Variants in UGT2B11 observed in about 807,000 individuals in gnomAD.
UGT2B11 encodes the protein UDP glucuronosyltransferase family 2 member B11.
In UGT2B11, 49 loss-of-function variants were observed where a neutral mutation model predicts 51.7. The observed-to-expected ratio is 0.95, with a 90% CI of 0.75 to 1.20. The LOEUF (loss-of-function observed/expected upper bound fraction) is 1.20, where lower values mean the gene tolerates loss of function less well. Among genes scored for constraint, UGT2B11 ranks in the 50% most tolerant of loss-of-function variants. The probability of loss-of-function intolerance (pLI) is 0.00; values close to 1 mark genes in which losing one functional copy is unlikely to be tolerated. For missense variants in UGT2B11, 810 were observed against 622.1 expected, an observed-to-expected ratio of 1.30 and a Z score of -3.21; for synonymous variants, 273 against 209.0, an observed-to-expected ratio of 1.31 and a Z score of -2.64.
rs1577959928 is a variant in UGT2B11 at position 69,203,981 on chromosome 4, G to T, written c.1310+449C>A. Among the ~76,000 whole-genome samples the T allele has an allele frequency of 3.3e-5, 5 of 151,510 alleles. No homozygotes were observed. The East Asian group carries it at 9.8e-4, about 30-fold the overall frequency. On this transcript the variant is annotated intron_variant, in intron 5 of 5. Transcript: ENST00000446444. Reference sequence around the variant, plus strand: ...TTGGATTTTATGGCATAAATAGGTGGATTTTAAGCTATCGAAATTAAATCT... The same window carrying T: ...TTGGATTTTATGGCATAAATAGGTGTATTTTAAGCTATCGAAATTAAATCT...
Position 69,214,421 on chromosome 4 carries a change from C to G in UGT2B11, c.302G>C (p.Arg101Pro), listed in dbSNP as rs7688262. 2 of 1,612,606 alleles carry G rather than the reference C, an allele frequency of 1.2e-6. No individual in the cohort carries two copies. The highest frequency in any genetic ancestry group is 8.5e-7 in the Non-Finnish European group (1 of 1,179,368). Residue 101 changes from arginine (R) to proline (P), a missense_variant, in exon 1 of 6, where the codon CGA becomes CCA. Transcript: ENST00000446444. Reference protein sequence around the residue: ...MQQVKRWSDIRKDSFWLYFSQ... With the variant: ...MQQVKRWSDIPKDSFWLYFSQ... ...AAAATATAACCAAAAGCTATCTTTT[C>G]GAATGTCTGACCATCTCTTAACCTG...
At position 69,200,732 on chromosome 4, in the gene UGT2B11, A is replaced by T. The variant is rs751158886; in HGVS notation, c.1311-13T>A. On this transcript the variant is annotated splice_polypyrimidine_tract_variant and intron_variant, in intron 5 of 5. Coordinates refer to ENST00000446444, the MANE Select transcript of UGT2B11 (RefSeq NM_001073.3). ...ATTCTCTTTATATCTGAAGGATAAA[A>T]ATAAGGATACCAACACTGAAAGTAA... is the stretch of plus-strand genomic sequence containing the variant. The T allele has an allele frequency of 6.2e-7, 1 of 1,601,984 alleles. No individual in the cohort carries two copies. The highest frequency in any genetic ancestry group is 8.5e-7 in the Non-Finnish European group (1 of 1,174,332).
In UGT2B11 at chr4:69,214,620, G is replaced by T. The variant is rs1722207614; in HGVS notation, c.103C>A (p.His35Asn). The T allele has an allele frequency of 1.2e-6, 2 of 1,613,216 alleles. No individual in the cohort carries two copies. The highest frequency in any genetic ancestry group is 2.2e-5 in the East Asian group (1 of 44,824). ...KVLVWAAEYS[H>N]WMNMKTILKE... The stretch of plus-strand genomic sequence containing the variant: ...AGGATTGTCTTCATATTCATCCAAT[G>T]GCTGTATTCTGCGGCCCACACCAGC... Residue 35 changes from histidine to asparagine, a missense_variant, in exon 1 of 6, where the codon CAT becomes AAT. Transcript: ENST00000446444.
At chr4:69,218,491 C>T (rs918699265), upstream of UGT2B11, among the ~76,000 whole-genome samples, 4 of 150,576 alleles carry the variant, frequency 2.7e-5, no homozygotes, top group Middle Eastern at 6.5e-3. Context: ...AAATTATGAC[C>T]ACAATAGAGG....
At chr4:69,201,692 A>G (rs1337862395) in intron 5 of UGT2B11, among the ~76,000 whole-genome samples, 1 of 151,768 alleles carries the variant, frequency 6.6e-6, no homozygotes, top group East Asian at 2.0e-4. Flanking sequence ...TGTTACCTCT[A>G]AGAGAGGCTT....
At chr4:69,209,577 G>GA (rs1276588549) in intron 2 of UGT2B11, among the ~76,000 whole-genome samples, 2 of 150,940 alleles carry the variant, frequency 1.3e-5, no homozygotes, top group South Asian at 2.1e-4. Flanking sequence ...ACAAAACAAA[G>GA]AAAAAAACGT....
At chr4:69,218,730 T>C (rs1377642695), upstream of UGT2B11, among the ~76,000 whole-genome samples, 1 of 152,038 alleles carries the variant, frequency 6.6e-6, no homozygotes, top group Non-Finnish European at 1.5e-5. Context: ...CATTGAAAGC[T>C]ATGACATTAC....
chr4:69,209,747 A>G (rs538567143), intron 2 of UGT2B11, among the ~76,000 whole-genome samples: 106 of 151,618 alleles, frequency 7.0e-4, no homozygotes, highest in South Asian at 5.4e-3. Flanking sequence ...CATTTAATGT[A>G]ACTCGTTTTC....
chr4:69,212,142 T>A (rs569058670), intron 2 of UGT2B11, among the ~76,000 whole-genome samples: 7 of 151,754 alleles, frequency 4.6e-5, no homozygotes, highest in Non-Finnish European at 8.9e-5. Flanking sequence ...GAGATAATAG[T>A]TTTTTATAAC....
At chr4:69,221,078 G>A in the UGT2B11 span, among the ~76,000 whole-genome samples, 1 of 152,188 alleles carries the variant, frequency 6.6e-6, no homozygotes, top group Non-Finnish European at 1.5e-5. Context: ...GGGGTATAAG[G>A]AGACTTTGTA....
At chr4:69,200,773 C>T (rs1388698393) in intron 5 of UGT2B11, 54 bp from the exon 6 acceptor site, 2 of 1,505,248 alleles carry the variant, frequency 1.3e-6, no homozygotes, top group Non-Finnish European at 1.8e-6. Context: ...TTTGCCTGTA[C>T]ATATCAAGTC....
chr4:69,213,558 A>G (rs558174525), intron 1 of UGT2B11, among the ~76,000 whole-genome samples: 9 of 151,872 alleles, frequency 5.9e-5, no homozygotes, highest in African/African-American at 2.2e-4. Context: ...ACATGGGAAT[A>G]TCTTTCAATA....
intron 1 of UGT2B11, 115 bp from the exon 2 acceptor site, chr4:69,212,836 GA>G (rs1217479061): frequency 1.9e-6 from 2 of 1,032,706 alleles, no homozygotes; most frequent in East Asian, 6.9e-5. Flanking sequence ...TATGTGCTTT[GA>G]AAAATATATA....
chr4:69,210,743 T>A (rs1306656322), intron 2 of UGT2B11, among the ~76,000 whole-genome samples: 1 of 151,600 alleles, frequency 6.6e-6, no homozygotes. Context: ...AGTGACTATA[T>A]AAAGCCCATA....
rs1309203491 is a variant in UGT2B11, at chr4:69,205,627, A to G, written c.1003-60T>C. ...TGGAACTCAAAAATTATAGAATGTT[A>G]GAACTGTAGAAAGCATAGGAATGAG... On this transcript the variant is annotated intron_variant, in intron 3 of 5. Coordinates refer to ENST00000446444, the MANE Select transcript of UGT2B11 (RefSeq NM_001073.3). 2.6e-6 allele frequency: 4 copies of G among 1,550,368 alleles called. No individual in the cohort carries two copies. In the Admixed American group the frequency reaches 6.9e-5, roughly 27 times the overall value.
Position 69,214,611 on chromosome 4 carries a change from T to C in UGT2B11, c.112A>G (p.Asn38Asp), listed in dbSNP as rs774070058. The change falls in exon 1 of 6, where the codon AAT (asparagine) becomes GAT (aspartate). Residue 38 changes from asparagine to aspartate, a missense_variant. Physicochemically the swap from Asn to Asp is conservative, Grantham distance 23. Coordinates refer to ENST00000446444, the MANE Select transcript of UGT2B11 (RefSeq NM_001073.3). ...VWAAEYSHWM[N>D]MKTILKELVQ... ...AGCTCTTTCAGGATTGTCTTCATAT[T>C]CATCCAATGGCTGTATTCTGCGGCC... is the stretch of plus-strand genomic sequence containing the variant. 6.2e-7 allele frequency: 1 copy of C among 1,613,296 alleles called. No homozygotes were observed. Among genetic ancestry groups the C allele is most frequent in the South Asian group, 1.1e-5 (1 of 91,056 alleles).
chr4:69,222,023 C>T, the UGT2B11 span, among the ~76,000 whole-genome samples: 1 of 152,298 alleles, frequency 6.6e-6, no homozygotes, highest in Non-Finnish European at 1.5e-5. Flanking sequence ...TCCTACTAGG[C>T]AATTGGCCTC....
At chr4:69,217,586 A>G (rs1722306008), upstream of UGT2B11, among the ~76,000 whole-genome samples, 1 of 152,036 alleles carries the variant, frequency 6.6e-6, no homozygotes, top group African/African-American at 2.4e-5. Context: ...AAAGCTATCT[A>G]GTATAAAGTG....
At position 69,200,702 on chromosome 4, in the gene UGT2B11, A is replaced by G. The variant is rs1316028362; in HGVS notation, c.1328T>C (p.Met443Thr). The G allele has an allele frequency of 1.2e-6, 2 of 1,611,036 alleles. No individual in the cohort carries two copies. The highest frequency in any genetic ancestry group is 1.7e-6 in the Non-Finnish European group (2 of 1,178,452). Residue 443 changes from methionine (M) to threonine (T), a missense_variant, in exon 6 of 6, where the codon ATG becomes ACG. Transcript: ENST00000446444. ...ATCATGTTGAATTCTTGATAATTTC[A>G]TAATATTCTCTTTATATCTGAAGGA... ...INDPLYKENI[M>T]KLSRIQHDQP...
Sources: allele counts gnomAD v4.1 joint callset (sites outside exome capture counted in the v4.1 genomes callset), GRCh38; gene constraint gnomAD v4.1.1; transcripts MANE v1.5; gene names NCBI Gene and HGNC (gene_info 2026-07-23, HGNC 2026-07-21).